The following BRPF1 variants were observed in gnomAD, a reference collection of about 807,000 sequenced individuals.
The protein encoded by BRPF1 is bromodomain and PHD finger containing 1.
In BRPF1, 15 loss-of-function variants were observed where a neutral mutation model predicts 115.0. The observed-to-expected ratio is 0.13, with a 90% CI of 0.09 to 0.20. The LOEUF is 0.20. Among genes scored for constraint, BRPF1 ranks in the 10% least tolerant of loss-of-function variants. BRPF1 has a pLI of 1.00. For missense variants in BRPF1, 1,118 were observed against 1,638.3 expected, an observed-to-expected ratio of 0.68 and a Z score of 5.48; for synonymous variants, 647 against 619.8, an observed-to-expected ratio of 1.04 and a Z score of -0.65.
rs1432508666 is a variant in BRPF1 at position 9,745,848 on chromosome 3, T to C, written c.3242T>C (p.Leu1081Pro). Reference sequence around the variant, plus strand: ...AGTCTGGGCCGGGGAGCTGGCTGGCTGTCAGAGGATGAGGACTCCCCGCTG... The same window carrying C: ...AGTCTGGGCCGGGGAGCTGGCTGGCCGTCAGAGGATGAGGACTCCCCGCTG... ...RKSLGRGAGWLSEDEDSPLDA... is the reference protein window; with the variant it reads ...RKSLGRGAGWPSEDEDSPLDA... The change falls in exon 12 of 14, where the codon CTG becomes CCG. Residue 1081 changes from leucine to proline, a missense_variant. Leu to Pro is a moderately conservative substitution (Grantham distance 98). Around this residue, in one of 10 missense-constraint regions of BRPF1, gnomAD observed 100 missense variants for 109.9 expected, o/e 0.91. Transcript: ENST00000383829. This position sits in a 1 kb window ranked among gnomAD's most constrained non-coding sequence, Gnocchi z 5.1. 5 of 1,614,028 alleles carry C rather than the reference T, an allele frequency of 3.1e-6. No homozygotes were observed. The African/African-American group carries it at 6.7e-5, about 22-fold the overall frequency.
At position 9,743,949 on chromosome 3, in the gene BRPF1, C is replaced by G. The variant is rs1233840747; in HGVS notation, c.2635+48C>G. ...GACCCCAAAGCAAGTCAGACTTTGG[C>G]TCTGCAGCACACACTCAACCCCTGC... On this transcript the variant is annotated intron_variant, in intron 8 of 13. Coordinates refer to ENST00000383829, the MANE Select transcript of BRPF1 (RefSeq NM_001003694.2). This position sits in a 1 kb window ranked among gnomAD's most constrained non-coding sequence, Gnocchi z 6.1. 1 of 1,521,862 alleles carries G rather than the reference C, an allele frequency of 6.6e-7. No homozygotes were observed. The highest frequency in any genetic ancestry group is 8.8e-7 in the Non-Finnish European group (1 of 1,131,804). The allele number at this position is 1,521,862 out of a possible 1,614,324, so 94.3% of individuals were successfully genotyped here. A position where few individuals can be genotyped will look rare whatever the true frequency, so the allele number is the denominator to read the frequency against.
chr3:9,747,380 C>T lies in BRPF1; in HGVS notation c.*31C>T. On this transcript the variant is annotated 3_prime_UTR_variant, in exon 14 of 14. Transcript: ENST00000383829. The surrounding 1 kb of genome is among the most constrained non-coding windows in gnomAD (Gnocchi z 5.6). ...CTCAACACAGCCCAACCTATAGTGCCCTGTGACTTCTCTCCTCCCCTTTGC... is the reference window on the plus strand; with the variant it reads ...CTCAACACAGCCCAACCTATAGTGCTCTGTGACTTCTCTCCTCCCCTTTGC... 6.2e-7 allele frequency: 1 copy of T among 1,601,986 alleles called. No homozygotes were observed. The highest frequency in any genetic ancestry group is 1.3e-5 in the African/African-American group (1 of 74,856).
chr3:9,743,463 C>T lies in BRPF1; in HGVS notation c.2312-115C>T. ...ACATCTTGGTGCTGCTATTTTACAG[C>T]TGTTCCTGGTGAGAAGCCCAGGGGG... is the stretch of plus-strand genomic sequence containing the variant. On this transcript the variant is annotated intron_variant, in intron 7 of 13. Transcript: ENST00000383829. The surrounding 1 kb of genome is among the most constrained non-coding windows in gnomAD (Gnocchi z 6.1). 1 of 1,304,544 alleles carries T rather than the reference C, an allele frequency of 7.7e-7. No individual in the cohort carries two copies. The highest frequency in any genetic ancestry group is 1.1e-6 in the Non-Finnish European group (1 of 942,034). The allele number at this position is 1,304,544 out of a possible 1,614,324, so 80.8% of individuals were successfully genotyped here.
In BRPF1 at chr3:9,744,252, C is replaced by T. The variant is rs369971509; in HGVS notation, c.2664C>T (p.Pro888=). 28 of 1,568,892 alleles carry T rather than the reference C, an allele frequency of 1.8e-5. No individual in the cohort carries two copies. The highest frequency in any genetic ancestry group is 1.7e-4 in the Middle Eastern group (1 of 5,800). Residue 888 remains proline, a synonymous_variant, in exon 9 of 14, where the codon CCC becomes CCT. Coordinates refer to ENST00000383829, the MANE Select transcript of BRPF1 (RefSeq NM_001003694.2). ...KGLGPNMSST[P]AHEVGRRTSV... ...TGGGTCCCAACATGTCCTCAACCCC[C>T]GCACATGAGGTGGGCAGGAGAACCT...
intron 12 of BRPF1, 111 bp downstream of exon 12, chr3:9,746,041 A>C (rs1045751565): frequency 6.2e-6 from 8 of 1,292,078 alleles, no homozygotes; most frequent in African/African-American, 1.5e-5. Context: ...TTTCTTGGTA[A>C]GGTAGACTGG....
In BRPF1 at chr3:9,745,511, A is replaced by G; in HGVS notation, c.3069-62A>G. The G allele has an allele frequency of 6.3e-7, 1 of 1,577,338 alleles. No individual in the cohort carries two copies. The highest frequency in any genetic ancestry group is 8.7e-7 in the Non-Finnish European group (1 of 1,148,398). On this transcript the variant is annotated intron_variant, in intron 10 of 13. Coordinates refer to ENST00000383829, the MANE Select transcript of BRPF1 (RefSeq NM_001003694.2). This position sits in a 1 kb window ranked among gnomAD's most constrained non-coding sequence, Gnocchi z 5.1. Reference sequence around the variant, plus strand: ...TGCGGGCTTTAAGAGCTGAGGGCACATACCATGCTGTTCCCCATTCTTCCC... The same window carrying G: ...TGCGGGCTTTAAGAGCTGAGGGCACGTACCATGCTGTTCCCCATTCTTCCC...
At chr3:9,737,024 G>T (rs1377556144) in intron 2 of BRPF1, among the ~76,000 whole-genome samples, 2 of 152,204 alleles carry the variant, frequency 1.3e-5, no homozygotes, top group Non-Finnish European at 2.9e-5. Flanking sequence ...AATTGGTGCT[G>T]AAGAGAGCTG....
chr3:9,738,234 T>C (rs2076973424), intron 2 of BRPF1, among the ~76,000 whole-genome samples: 1 of 152,172 alleles, frequency 6.6e-6, no homozygotes, highest in Non-Finnish European at 1.5e-5. Flanking sequence ...CCTCTGCCAC[T>C]CCCTTGTTAT....
chr3:9,737,081 C>G (rs2076954675), intron 2 of BRPF1, among the ~76,000 whole-genome samples: 1 of 152,214 alleles, frequency 6.6e-6, no homozygotes, highest in South Asian at 2.1e-4. Flanking sequence ...ATCCATGAGT[C>G]ATACCCTTGT....
At chr3:9,738,925 TGGCAAATGA>T (rs2076984763) in intron 2 of BRPF1, 65 bp from the exon 3 acceptor site, 51 of 1,438,524 alleles carry the variant, frequency 3.5e-5, no homozygotes, top group Non-Finnish European at 4.7e-5. Flanking sequence ...AAGTGCTCAA[TGGCAAATGA>T]CCCATCATCT....
chr3:9,733,013 C>T (rs2125487121), intron 1 of BRPF1, among the ~76,000 whole-genome samples: 1 of 152,310 alleles, frequency 6.6e-6, no homozygotes, highest in Non-Finnish European at 1.5e-5. Flanking sequence ...TGCGGACCAG[C>T]ATGGAGCTGA....
chr3:9,743,483 AG>A lies in BRPF1; in HGVS notation c.2312-89del. 2.1e-6 allele frequency: 3 copies of A among 1,407,260 alleles called. No individual in the cohort carries two copies. Among genetic ancestry groups the A allele is most frequent in the Admixed American group, 2.1e-5 (1 of 48,254 alleles). The allele number at this position is 1,407,260 out of a possible 1,614,324, so 87.2% of individuals were successfully genotyped here. On this transcript the variant is annotated intron_variant, in intron 7 of 13. Transcript: ENST00000383829. The surrounding 1 kb of genome is among the most constrained non-coding windows in gnomAD (Gnocchi z 6.1). ...TACAGCTGTTCCTGGTGAGAAGCCC[AG>A]GGGGGATGAGTGGGTTTCTTGCTGC...
chr3:9,742,186 C>T lies in BRPF1; in HGVS notation c.2001+15C>T, dbSNP rs373516433. The T allele has an allele frequency of 9.9e-6, 16 of 1,613,268 alleles. No homozygotes were observed. In the African/African-American group the frequency reaches 2.0e-4, roughly 20 times the overall value. On this transcript the variant is annotated intron_variant, in intron 6 of 13. Transcript: ENST00000383829. ...AATTGGACGAAGTAAGAATCCCTTC[C>T]CCTCACTCCACCTTCTCTCTGTTCC... is the stretch of plus-strand genomic sequence containing the variant.
chr3:9,743,542 C>T lies in BRPF1; in HGVS notation c.2312-36C>T. On this transcript the variant is annotated intron_variant, in intron 7 of 13. Coordinates refer to ENST00000383829, the MANE Select transcript of BRPF1 (RefSeq NM_001003694.2). This position sits in a 1 kb window ranked among gnomAD's most constrained non-coding sequence, Gnocchi z 6.1. ...GGTTCAAGGGGCCCTGAGGGCTGCC[C>T]TGAGTCTGACCTTTCCCCTCCAACC... The T allele has an allele frequency of 3.1e-6, 5 of 1,587,950 alleles. No individual in the cohort carries two copies. The highest frequency in any genetic ancestry group is 4.3e-6 in the Non-Finnish European group (5 of 1,165,112).
At chr3:9,735,886 G>C (rs2076931476) in intron 2 of BRPF1, among the ~76,000 whole-genome samples, 1 of 152,056 alleles carries the variant, frequency 6.6e-6, no homozygotes, top group East Asian at 1.9e-4. Context: ...TTTGCCAAGA[G>C]TGTAAGTTTG....
Position 9,734,838 on chromosome 3 carries a change from A to T in BRPF1, c.599+99A>T. 1 of 1,443,374 alleles carries T rather than the reference A, an allele frequency of 6.9e-7. No individual in the cohort carries two copies. Among genetic ancestry groups the T allele is most frequent in the African/African-American group, 1.4e-5 (1 of 70,750 alleles). 89.4% of individuals were successfully genotyped at this position (1,443,374 alleles called of 1,614,324 possible). A position where few individuals can be genotyped will look rare whatever the true frequency, so the allele number is the denominator to read the frequency against. On this transcript the variant is annotated intron_variant, in intron 2 of 13. Transcript: ENST00000383829. The surrounding 1 kb of genome is among the most constrained non-coding windows in gnomAD (Gnocchi z 5.7). ...CACAGATAGAAGAGTGACAGGAATA[A>T]AGAATAGTGAAAGAACACTGATTTT...
Position 9,734,326 on chromosome 3 carries a change from G to A in BRPF1, c.186G>A (p.Lys62=), listed in dbSNP as rs780216732. Residue 62 remains lysine (K), a synonymous_variant, in exon 2 of 14, where the codon AAG becomes AAA. Transcript: ENST00000383829. The surrounding 1 kb of genome is among the most constrained non-coding windows in gnomAD (Gnocchi z 5.7). The stretch of plus-strand genomic sequence containing the variant: ...AACAAACTCCACTCCGCAAGCACAA[G>A]AAAAAGGGGCGCCAGTCACGCCCAG... The part of the protein sequence containing the change: ...PPQQTPLRKH[K]KKGRQSRPAN... The A allele has an allele frequency of 6.2e-7, 1 of 1,614,062 alleles. No individual in the cohort carries two copies. Among genetic ancestry groups the A allele is most frequent in the Non-Finnish European group, 8.5e-7 (1 of 1,180,016 alleles).
intron 3 of BRPF1, among the ~76,000 whole-genome samples, chr3:9,740,458 C>T (rs1045583643): frequency 1.3e-5 from 2 of 152,168 alleles, no homozygotes; most frequent in African/African-American, 2.4e-5. Context: ...CCTTCAAAGG[C>T]TCAGTCTCAG....
chr3:9,745,552 C>T lies in BRPF1; in HGVS notation c.3069-21C>T. 6.2e-7 allele frequency: 1 copy of T among 1,611,768 alleles called. No homozygotes were observed. Among genetic ancestry groups the T allele is most frequent in the Non-Finnish European group, 8.5e-7 (1 of 1,177,922 alleles). ...CATTCTTCCCCTCCTTTGAGCTGAG[C>T]TCCCATTGTCTTGTCCACAGCACAA... On this transcript the variant is annotated intron_variant, in intron 10 of 13. Coordinates refer to ENST00000383829, the MANE Select transcript of BRPF1 (RefSeq NM_001003694.2). This position sits in a 1 kb window ranked among gnomAD's most constrained non-coding sequence, Gnocchi z 5.1.
Sources: gnomAD v4.1 joint callset for allele counts (sites outside exome capture counted in the v4.1 genomes callset) on GRCh38, gnomAD v4.1.1 for gene constraint, gnomAD v4.1.1 regional missense constraint, Gnocchi (gnomAD v3.1) non-coding constraint, MANE v1.5 for transcripts, NCBI Gene and HGNC (gene_info 2026-07-23, HGNC 2026-07-21) for gene names.